LTBP1: variants seen among roughly 807,000 people sequenced by gnomAD.
The protein encoded by LTBP1 is latent transforming growth factor beta binding protein 1, also known as latent-transforming growth factor beta-binding protein 1.
A neutral mutation model predicts 207.6 loss-of-function variants in LTBP1; 129 were observed. That is an observed-to-expected ratio of 0.62 (90% CI 0.54 to 0.72). LTBP1 has a LOEUF of 0.72. Ranked by LOEUF, LTBP1 falls within the 30% of genes least tolerant of loss-of-function variation. LTBP1 has a pLI of 0.00. For synonymous variants in LTBP1, 963 were observed against 833.7 expected (o/e 1.16, Z -2.67); for missense variants, 2,281 against 2,217.2 (o/e 1.03, Z -0.58).
At chr2:33,020,378 A>C (rs2075106859) in intron 2 of LTBP1, among the ~76,000 whole-genome samples, 1 of 152,152 alleles carries the variant, frequency 6.6e-6, no homozygotes, top group African/African-American at 2.4e-5. Flanking sequence ...TTTAGGCTTA[A>C]AAAATTTTAA....
intron 2 of LTBP1, among the ~76,000 whole-genome samples, chr2:32,957,672 CAG>C (rs1678311500): frequency 1.3e-5 from 2 of 152,138 alleles, no homozygotes; most frequent in South Asian, 4.1e-4. Context: ...GAATGTGACA[CAG>C]AGACAGAAAG....
At chr2:33,049,736 G>A (rs148541095) in intron 3 of LTBP1, among the ~76,000 whole-genome samples, 2,108 of 152,264 alleles carry the variant, frequency 0.014, 139 homozygotes, top group Admixed American at 0.12. Flanking sequence ...AATCAGAAGT[G>A]TTAACAGCAA....
intron 5 of LTBP1, among the ~76,000 whole-genome samples, chr2:33,163,277 C>A (rs1382887165): frequency 6.6e-6 from 1 of 152,206 alleles, no homozygotes; most frequent in Non-Finnish European, 1.5e-5. Context: ...CCACACCCAG[C>A]CTTTAAGAGG....
chr2:33,282,059 G>A (rs893938187), intron 19 of LTBP1, among the ~76,000 whole-genome samples: 1 of 104,336 alleles, frequency 9.6e-6, no homozygotes, highest in Admixed American at 9.1e-5. Context: ...ATACCTATAT[G>A]TGCATATATA....
chr2:32,980,325 T>C (rs1487220864), intron 2 of LTBP1, among the ~76,000 whole-genome samples: 1 of 152,146 alleles, frequency 6.6e-6, no homozygotes, highest in East Asian at 1.9e-4. Flanking sequence ...CTGTTGCATG[T>C]TTTTAGATTT....
intron 2 of LTBP1, among the ~76,000 whole-genome samples, chr2:32,983,607 G>C: frequency 6.6e-6 from 1 of 152,176 alleles, no homozygotes; most frequent in East Asian, 1.9e-4. Context: ...GAGGGACCTG[G>C]TGGGAAGTAA....
In LTBP1 at chr2:33,361,460, A is replaced by G; in HGVS notation, c.4215A>G (p.Lys1405=). 6.2e-7 allele frequency: 1 copy of G among 1,613,088 alleles called. No homozygotes were observed. Among genetic ancestry groups the G allele is most frequent in the Non-Finnish European group, 8.5e-7 (1 of 1,179,508 alleles). Residue 1405 remains lysine (K), a synonymous_variant, in exon 28 of 34, where the codon AAA becomes AAG. Coordinates refer to ENST00000404816, the MANE Select transcript of LTBP1 (RefSeq NM_206943.4). ...AEFTEMCPKG[K]GFVPAGESSS... Reference sequence around the variant, plus strand: ...TCACTGAAATGTGTCCCAAAGGGAAAGGTTTTGTGCCTGCTGGAGAATCAT... The same window carrying G: ...TCACTGAAATGTGTCCCAAAGGGAAGGGTTTTGTGCCTGCTGGAGAATCAT...
chr2:32,951,968 A>G lies in LTBP1; in HGVS notation c.565+3023A>G, dbSNP rs541042330. On this transcript the variant is annotated intron_variant, in intron 2 of 33. Transcript: ENST00000404816. ...TTATAATAGTCATCATAAAATATGC[A>G]TGGACATTTAAATGTATAACCCAGG... Among the ~76,000 whole-genome samples the G allele has an allele frequency of 3.3e-5, 5 of 152,320 alleles. No individual in the cohort carries two copies. The East Asian group carries it at 7.7e-4, about 24-fold the overall frequency.
chr2:32,972,128 T>TTTTC (rs201880812), intron 2 of LTBP1, among the ~76,000 whole-genome samples: 12 of 149,410 alleles, frequency 8.0e-5, no homozygotes, highest in African/African-American at 2.7e-4. Context: ...TTTTTTTTTT[T>TTTTC]CTGTGGATTC....
chr2:33,290,741 T>G (rs907037226), intron 19 of LTBP1, among the ~76,000 whole-genome samples: 10 of 152,046 alleles, frequency 6.6e-5, no homozygotes, highest in Non-Finnish European at 1.3e-4. Flanking sequence ...GAGTAGATAA[T>G]GGTACTAGAT....
At chr2:33,059,424 A>T (rs891580585) in intron 3 of LTBP1, among the ~76,000 whole-genome samples, 3 of 152,234 alleles carry the variant, frequency 2.0e-5, no homozygotes, top group Admixed American at 2.0e-4. Flanking sequence ...AAGCAAGCCT[A>T]GGGATCTAAT....
chr2:33,173,948 T>A (rs890630305), intron 5 of LTBP1, among the ~76,000 whole-genome samples: 4 of 140,742 alleles, frequency 2.8e-5, no homozygotes, highest in Non-Finnish European at 6.3e-5. Flanking sequence ...TTTGACAAAA[T>A]TCAACAACGC....
At chr2:33,135,102 T>A (rs984820354) in intron 5 of LTBP1, 142 bp downstream of exon 5, 9 of 883,782 alleles carry the variant, frequency 1.0e-5, no homozygotes, top group Non-Finnish European at 1.3e-5. Context: ...TTTCATGGGA[T>A]CTTTTAAATT....
intron 5 of LTBP1, among the ~76,000 whole-genome samples, chr2:33,168,651 T>C (rs2085146663): frequency 6.6e-6 from 1 of 151,694 alleles, no homozygotes; most frequent in South Asian, 2.1e-4. Flanking sequence ...GATTTAAAGG[T>C]CACAGTCCAC....
At chr2:33,223,046 G>A (rs1387682529) in intron 9 of LTBP1, among the ~76,000 whole-genome samples, 3 of 152,158 alleles carry the variant, frequency 2.0e-5, no homozygotes, top group Non-Finnish European at 4.4e-5. Flanking sequence ...TCTGATTTGT[G>A]TTCTGAGGCT....
intron 5 of LTBP1, among the ~76,000 whole-genome samples, chr2:33,157,709 A>G (rs1203586720): frequency 6.6e-6 from 1 of 152,192 alleles, no homozygotes; most frequent in Non-Finnish European, 1.5e-5. Context: ...TGCAGTTTGC[A>G]TGTGTACGAG....
rs61751739 is a variant in LTBP1, at chr2:33,188,841, T to C, written c.1691T>C (p.Ile564Thr). The change falls in exon 7 of 34, where the codon ATT (isoleucine) becomes ACT (threonine). Residue 564 changes from isoleucine (I) to threonine (T), a missense_variant. Transcript: ENST00000404816. Reference protein sequence around the residue: ...TQLGRCFQETIGSQCGKALPG... With the variant: ...TQLGRCFQETTGSQCGKALPG... ...CTTGGCCGGTGCTTCCAGGAAACCA[T>C]TGGGTCACAGGTAAACATCATCACC... 9.2e-4 allele frequency: 1,479 copies of C among 1,614,130 alleles called. 11 individuals carry two copies. In the African/African-American group the frequency reaches 0.017, roughly 19 times the overall value.
At chr2:33,086,390 C>T (rs951440632) in intron 3 of LTBP1, among the ~76,000 whole-genome samples, 1 of 152,178 alleles carries the variant, frequency 6.6e-6, no homozygotes, top group African/African-American at 2.4e-5. Flanking sequence ...CAGAGGTCAG[C>T]GTAGCATGAC....
At chr2:33,092,563 A>G (rs1346471502) in intron 3 of LTBP1, among the ~76,000 whole-genome samples, 1 of 152,160 alleles carries the variant, frequency 6.6e-6, no homozygotes, top group Non-Finnish European at 1.5e-5. Flanking sequence ...CCATTCTCTC[A>G]TCATCTGTAT....
Sources: gnomAD v4.1 joint callset for allele counts (sites outside exome capture counted in the v4.1 genomes callset) on GRCh38, gnomAD v4.1.1 for gene constraint, MANE v1.5 for transcripts, NCBI Gene and HGNC (gene_info 2026-07-23, HGNC 2026-07-21) for gene names.